The following CSMD1 variants were observed in gnomAD, a reference collection of about 807,000 sequenced individuals.
CSMD1 encodes CUB and sushi domain-containing protein 1.
Under a neutral mutation model 417.5 loss-of-function variants are expected in CSMD1, and 213 were observed. That is an observed-to-expected ratio of 0.51 (90% CI 0.46 to 0.57). CSMD1 has a LOEUF of 0.57. Among genes scored for constraint, CSMD1 ranks in the 20% least tolerant of loss-of-function variants. CSMD1 has a pLI of 0.00. For synonymous variants in CSMD1, 2,862 were observed against 1,736.8 expected (o/e 1.65, Z -16.11); for missense variants, 6,923 against 4,529.7 (o/e 1.53, Z -15.17).
chr8:4,058,109 A>G (rs1475666604), intron 3 of CSMD1, among the ~76,000 whole-genome samples: 1 of 152,110 alleles, frequency 6.6e-6, no homozygotes, highest in African/African-American at 2.4e-5. Context: ...CATTGAATCT[A>G]TAAATTACCT....
chr8:4,103,569 T>G (rs1019005341), intron 3 of CSMD1, among the ~76,000 whole-genome samples: 2 of 152,016 alleles, frequency 1.3e-5, no homozygotes, highest in Non-Finnish European at 1.5e-5. Flanking sequence ...TTTGATACGA[T>G]GGATACAAAA....
chr8:4,857,189 G>A (rs1016691638), intron 1 of CSMD1, among the ~76,000 whole-genome samples: 2 of 149,954 alleles, frequency 1.3e-5, no homozygotes, highest in African/African-American at 2.5e-5. Context: ...CGAAATGAAG[G>A]CAGAAATAAA....
chr8:3,102,224 C>A (rs1815806694), intron 46 of CSMD1, among the ~76,000 whole-genome samples: 1 of 152,122 alleles, frequency 6.6e-6, no homozygotes, highest in South Asian at 2.1e-4. Flanking sequence ...TAGAAAAGTA[C>A]TTAAAGAAAG....
At chr8:3,161,954 G>A (rs779815236) in intron 38 of CSMD1, among the ~76,000 whole-genome samples, 3 of 152,196 alleles carry the variant, frequency 2.0e-5, no homozygotes, top group Non-Finnish European at 4.4e-5. Flanking sequence ...AAAATACAAT[G>A]CTTAGCTTTG....
At chr8:3,630,633 T>A (rs140710173) in intron 7 of CSMD1, among the ~76,000 whole-genome samples, 1 of 151,954 alleles carries the variant, frequency 6.6e-6, no homozygotes, top group Non-Finnish European at 1.5e-5. Flanking sequence ...TGAGTGAGGG[T>A]TGAAGGGCAG....
intron 1 of CSMD1, among the ~76,000 whole-genome samples, chr8:4,714,420 C>G (rs1159114751): frequency 6.6e-6 from 1 of 152,106 alleles, no homozygotes; most frequent in East Asian, 1.9e-4. Flanking sequence ...AAAATAAAAT[C>G]TCCCCAAAAA....
At chr8:3,213,031 T>C (rs1228884153) in intron 30 of CSMD1, among the ~76,000 whole-genome samples, 4 of 151,972 alleles carry the variant, frequency 2.6e-5, no homozygotes, top group Non-Finnish European at 5.9e-5. Flanking sequence ...GGTTTCTCCA[T>C]GTTAGCCATG....
chr8:4,697,622 G>A (rs921045113), intron 1 of CSMD1, among the ~76,000 whole-genome samples: 4 of 152,080 alleles, frequency 2.6e-5, no homozygotes, highest in Non-Finnish European at 5.9e-5. Flanking sequence ...ACATTATAAG[G>A]CCAAAGGCAA....
chr8:4,118,151 A>C (rs1457027152), intron 3 of CSMD1, among the ~76,000 whole-genome samples: 2 of 152,136 alleles, frequency 1.3e-5, no homozygotes, highest in Non-Finnish European at 1.5e-5. Context: ...GCAGACTCTC[A>C]GTGGGAGCAG....
intron 3 of CSMD1, among the ~76,000 whole-genome samples, chr8:4,105,026 T>C (rs984123733): frequency 7.2e-5 from 11 of 152,034 alleles, no homozygotes; most frequent in South Asian, 2.1e-4. Flanking sequence ...AACTACATTA[T>C]AGAAATGCTA....
intron 3 of CSMD1, among the ~76,000 whole-genome samples, chr8:4,188,848 G>A (rs554399446): frequency 1.3e-5 from 2 of 150,660 alleles, no homozygotes; most frequent in African/African-American, 2.4e-5. Flanking sequence ...AAAAAAAAAC[G>A]AAATGTTTCT....
chr8:4,328,053 A>G (rs775720554), intron 3 of CSMD1, among the ~76,000 whole-genome samples: 6 of 152,168 alleles, frequency 3.9e-5, no homozygotes, highest in Non-Finnish European at 8.8e-5. Flanking sequence ...TGATCCAAGT[A>G]CTAAGCTCTG....
At chr8:3,871,425 A>G (rs1015798482) in intron 5 of CSMD1, among the ~76,000 whole-genome samples, 1 of 152,128 alleles carries the variant, frequency 6.6e-6, no homozygotes, top group Admixed American at 6.5e-5. Context: ...TTCCTTTAAC[A>G]TGCATCATTT....
intron 3 of CSMD1, among the ~76,000 whole-genome samples, chr8:4,412,819 C>T (rs1348481363): frequency 6.6e-6 from 1 of 152,104 alleles, no homozygotes; most frequent in Non-Finnish European, 1.5e-5. Context: ...CACTCTAGGC[C>T]TGTATGTGAA....
intron 1 of CSMD1, among the ~76,000 whole-genome samples, chr8:4,857,164 C>G (rs892290604): frequency 4.0e-5 from 6 of 151,068 alleles, no homozygotes; most frequent in Non-Finnish European, 8.8e-5. Context: ...TCATGAATGA[C>G]TACTGGGTAC....
chr8:4,826,801 T>C (rs1202243800), intron 1 of CSMD1, among the ~76,000 whole-genome samples: 3 of 152,184 alleles, frequency 2.0e-5, no homozygotes, highest in Admixed American at 6.6e-5. Flanking sequence ...ACAGGCTTAA[T>C]GTACTTTTAC....
chr8:3,395,057 G>A (rs1433991188), intron 17 of CSMD1, among the ~76,000 whole-genome samples: 2 of 152,128 alleles, frequency 1.3e-5, no homozygotes, highest in Non-Finnish European at 2.9e-5. Flanking sequence ...TGGGGCTCAG[G>A]GAGAGGGTAA....
chr8:4,110,657 T>A (rs1801803479), intron 3 of CSMD1, among the ~76,000 whole-genome samples: 3 of 152,252 alleles, frequency 2.0e-5, no homozygotes, highest in South Asian at 2.1e-4. Flanking sequence ...TGCATGTGTG[T>A]GTTTCTATAA....
intron 1 of CSMD1, among the ~76,000 whole-genome samples, chr8:4,956,127 C>T (rs1180037103): frequency 6.6e-6 from 1 of 152,062 alleles, no homozygotes; most frequent in Admixed American, 6.5e-5. Context: ...ATTACTTTCT[C>T]GCTCATAATG....
Sources: gnomAD v4.1 joint callset for allele counts (sites outside exome capture counted in the v4.1 genomes callset) on GRCh38, gnomAD v4.1.1 for gene constraint, MANE v1.5 for transcripts, NCBI Gene and HGNC (gene_info 2026-07-23, HGNC 2026-07-21) for gene names.